DGKI: variants seen among roughly 807,000 people sequenced by gnomAD.
DGKI encodes the protein DAG kinase iota.
A neutral mutation model predicts 147.5 loss-of-function variants in DGKI; 55 were observed. The ratio of observed to expected loss-of-function variants is 0.37; its 90% CI spans 0.30 to 0.47. DGKI has a LOEUF of 0.47. Among genes scored for constraint, DGKI ranks in the 20% least tolerant of loss-of-function variants. The probability of loss-of-function intolerance (pLI) is 1.00; values close to 1 mark genes in which losing one functional copy is unlikely to be tolerated. For missense variants in DGKI, 1,007 were observed against 1,323.8 expected (o/e 0.76, Z 3.71); for synonymous variants, 469 against 477.1 (o/e 0.98, Z 0.22).
rs114832856 is a variant in DGKI at position 137,571,592 on chromosome 7, A to G, written c.1836-306T>C. Among the ~76,000 whole-genome samples the G allele has an allele frequency of 2.6e-3, 403 of 152,320 alleles. 1 individual carries two copies. Among genetic ancestry groups the G allele is most frequent in the African/African-American group, 9.0e-3 (374 of 41,570 alleles). Reference sequence around the variant, plus strand: ...TTCTATGATATATCATGAATTATCTATAGGTGGTTTCAGAATTTGGTCTTA... The same window carrying G: ...TTCTATGATATATCATGAATTATCTGTAGGTGGTTTCAGAATTTGGTCTTA... On this transcript the variant is annotated intron_variant, in intron 18 of 32. Transcript: ENST00000614521.
At chr7:137,755,219 A>G (rs962571165) in intron 1 of DGKI, among the ~76,000 whole-genome samples, 2 of 152,196 alleles carry the variant, frequency 1.3e-5, no homozygotes, top group African/African-American at 4.8e-5. Context: ...AAGTGGCAAA[A>G]ACCAATTCAA....
intron 17 of DGKI, among the ~76,000 whole-genome samples, chr7:137,573,694 T>C (rs834442): frequency 0.17 from 25,783 of 152,052 alleles, 4,587 homozygotes; most frequent in African/African-American, 0.44. Context: ...CGTGAGCCAC[T>C]GCGCCTGGCC....
intron 12 of DGKI, among the ~76,000 whole-genome samples, chr7:137,592,745 T>C (rs1819660367): frequency 6.6e-6 from 1 of 152,258 alleles, no homozygotes; most frequent in Non-Finnish European, 1.5e-5. Context: ...GGGGACCCTT[T>C]TGAATATGTG....
At chr7:137,627,256 C>T (rs920740339) in intron 6 of DGKI, among the ~76,000 whole-genome samples, 10 of 152,158 alleles carry the variant, frequency 6.6e-5, no homozygotes, top group African/African-American at 2.2e-4. Flanking sequence ...TGCCTTGCCT[C>T]GTACCTACCC....
intron 1 of DGKI, among the ~76,000 whole-genome samples, chr7:137,834,866 G>A (rs1798320256): frequency 6.6e-6 from 1 of 152,196 alleles, no homozygotes; most frequent in South Asian, 2.1e-4. Flanking sequence ...AAAATTAATA[G>A]TGATAGTGCA....
intron 6 of DGKI, among the ~76,000 whole-genome samples, chr7:137,633,250 A>G (rs1821197893): frequency 6.7e-6 from 1 of 150,150 alleles, no homozygotes; most frequent in African/African-American, 2.4e-5. Context: ...GTCCTAGACC[A>G]GGGCTGGTTT....
intron 1 of DGKI, among the ~76,000 whole-genome samples, chr7:137,765,286 T>C (rs1214129665): frequency 8.5e-5 from 13 of 152,246 alleles, no homozygotes; most frequent in Admixed American, 3.9e-4. Context: ...CCCACCATTA[T>C]GTATCGTTGA....
chr7:137,756,564 G>A (rs1321334185), intron 1 of DGKI, among the ~76,000 whole-genome samples: 1 of 152,154 alleles, frequency 6.6e-6, no homozygotes, highest in African/African-American at 2.4e-5. Context: ...TCCAGCCTGG[G>A]GTTGACAAAG....
At chr7:137,501,979 TA>T (rs1816190317) in intron 21 of DGKI, among the ~76,000 whole-genome samples, 1 of 152,176 alleles carries the variant, frequency 6.6e-6, no homozygotes, top group African/African-American at 2.4e-5. Context: ...CTGATGGTTT[TA>T]AAAATGGGAG....
At chr7:137,614,074 C>T (rs1465378269) in intron 8 of DGKI, among the ~76,000 whole-genome samples, 1 of 152,078 alleles carries the variant, frequency 6.6e-6, no homozygotes, top group Non-Finnish European at 1.5e-5. Context: ...ACTCATGTTA[C>T]TACAAACGAA....
intron 3 of DGKI, among the ~76,000 whole-genome samples, chr7:137,656,840 CTTTG>C (rs1822242916): frequency 6.6e-6 from 1 of 152,142 alleles, no homozygotes; most frequent in South Asian, 2.1e-4. Context: ...AGAACTGGCT[CTTTG>C]TTCTGTCATT....
intron 29 of DGKI, among the ~76,000 whole-genome samples, chr7:137,410,700 G>A (rs950236167): frequency 6.6e-6 from 1 of 152,176 alleles, no homozygotes; most frequent in Non-Finnish European, 1.5e-5. Context: ...AAATGGAAGG[G>A]TTTCAAATGT....
intron 3 of DGKI, among the ~76,000 whole-genome samples, chr7:137,657,518 G>A (rs901054135): frequency 3.9e-5 from 6 of 152,350 alleles, no homozygotes; most frequent in African/African-American, 1.4e-4. Context: ...TGTCATGCAG[G>A]ATCTAAGATA....
In DGKI at chr7:137,558,451, T is replaced by C. The variant is rs192142095; in HGVS notation, c.1948-5883A>G. Reference sequence around the variant, plus strand: ...ACCATGTGCAGCTAATTTCGTTTTGTATTTTTAGTAGAGACAGGGTTTCGC... The same window carrying C: ...ACCATGTGCAGCTAATTTCGTTTTGCATTTTTAGTAGAGACAGGGTTTCGC... On this transcript the variant is annotated intron_variant, in intron 19 of 32. Coordinates refer to ENST00000614521, the MANE Select transcript of DGKI (RefSeq NM_001321708.2). 3.5e-4 allele frequency among the ~76,000 whole-genome samples: 53 copies of C among 152,322 alleles called. No homozygotes were observed. In the Middle Eastern group the frequency reaches 0.014, roughly 39 times the overall value.
chr7:137,444,535 G>T (rs930550475), intron 27 of DGKI, among the ~76,000 whole-genome samples: 10 of 152,310 alleles, frequency 6.6e-5, no homozygotes, highest in Non-Finnish European at 1.5e-4. Flanking sequence ...AGAGGTAAAA[G>T]AAATAGCATG....
At chr7:137,788,189 C>G (rs9690172) in intron 1 of DGKI, among the ~76,000 whole-genome samples, 52,260 of 151,918 alleles carry the variant, frequency 0.34, 9,333 homozygotes, top group Middle Eastern at 0.43. Context: ...TCCTTCAAAG[C>G]CTTCTCTGAT....
At chr7:137,410,854 G>A (rs1345626031) in intron 29 of DGKI, among the ~76,000 whole-genome samples, 4 of 152,138 alleles carry the variant, frequency 2.6e-5, no homozygotes, top group East Asian at 1.9e-4. Context: ...GGTAAGAAAC[G>A]GCACTGAACT....
At chr7:137,427,090 A>C (rs1173495290) in intron 28 of DGKI, among the ~76,000 whole-genome samples, 1 of 151,908 alleles carries the variant, frequency 6.6e-6, no homozygotes, top group Non-Finnish European at 1.5e-5. Flanking sequence ...AAATCAACAG[A>C]ATATACATTT....
intron 20 of DGKI, among the ~76,000 whole-genome samples, chr7:137,551,036 G>A (rs1331763353): frequency 1.3e-5 from 2 of 152,196 alleles, no homozygotes; most frequent in African/African-American, 4.8e-5. Flanking sequence ...GAGGGCAGCA[G>A]GCACGGAGGA....
Sources: gnomAD v4.1 joint callset for allele counts (sites outside exome capture counted in the v4.1 genomes callset) on GRCh38, gnomAD v4.1.1 for gene constraint, MANE v1.5 for transcripts, NCBI Gene and HGNC (gene_info 2026-07-23, HGNC 2026-07-21) for gene names.